The following LRP12 variants were observed in gnomAD, a reference collection of about 807,000 sequenced individuals.
LRP12 encodes the protein low-density lipoprotein receptor-related protein 12.
In LRP12, 14 loss-of-function variants were observed where a neutral mutation model predicts 66.0. That is an observed-to-expected ratio of 0.21 (90% CI 0.14 to 0.33). The LOEUF (loss-of-function observed/expected upper bound fraction) is 0.33, where lower values mean the gene tolerates loss of function less well. Ranked by LOEUF, LRP12 falls within the 10% of genes least tolerant of loss-of-function variation. LRP12 has a pLI of 1.00. For synonymous variants in LRP12, 357 were observed against 359.1 expected (o/e 0.99, Z 0.07); for missense variants, 889 against 1,053.4 (o/e 0.84, Z 2.16).
chr8:104,520,745 T>A (rs1811135327), intron 2 of LRP12, among the ~76,000 whole-genome samples: 1 of 152,104 alleles, frequency 6.6e-6, no homozygotes, highest in African/African-American at 2.4e-5. Flanking sequence ...AGTTTGCTTA[T>A]CCACCAAGTG....
intron 1 of LRP12, among the ~76,000 whole-genome samples, chr8:104,576,796 G>A (rs1457124184): frequency 6.6e-6 from 1 of 152,048 alleles, no homozygotes; most frequent in Non-Finnish European, 1.5e-5. Flanking sequence ...AATGCCCCAA[G>A]TAAAAGACAC....
At chr8:104,492,423 A>G (rs891072886) in intron 6 of LRP12, among the ~76,000 whole-genome samples, 1 of 152,136 alleles carries the variant, frequency 6.6e-6, no homozygotes, top group Admixed American at 6.5e-5. Flanking sequence ...AGTGGTTATA[A>G]AAAGAAGTAT....
intron 3 of LRP12, among the ~76,000 whole-genome samples, chr8:104,501,215 T>C (rs1199549396): frequency 6.6e-6 from 1 of 152,158 alleles, no homozygotes; most frequent in African/African-American, 2.4e-5. Context: ...TTCTCTCCAA[T>C]AGTCAGTGTG....
chr8:104,547,392 T>C (rs1400827336), intron 1 of LRP12, among the ~76,000 whole-genome samples: 3 of 135,938 alleles, frequency 2.2e-5, no homozygotes, highest in African/African-American at 5.3e-5. Context: ...ATTTTGTATA[T>C]AATATACAAT....
At chr8:104,502,392 A>G (rs1341767618) in intron 3 of LRP12, among the ~76,000 whole-genome samples, 1 of 152,174 alleles carries the variant, frequency 6.6e-6, no homozygotes, top group Non-Finnish European at 1.5e-5. Context: ...CTTTAAGCAC[A>G]CACAATTCAT....
At chr8:104,544,259 G>A (rs1222045424) in intron 1 of LRP12, among the ~76,000 whole-genome samples, 2 of 152,100 alleles carry the variant, frequency 1.3e-5, no homozygotes, top group Admixed American at 6.6e-5. Context: ...AAGAAAAGTT[G>A]GAATCTAGCA....
Position 104,552,363 on chromosome 8 carries a change from C to CT in LRP12, c.80-20401dup, listed in dbSNP as rs1554710250. Among the ~76,000 whole-genome samples the CT allele has an allele frequency of 3.7e-4, 56 of 149,622 alleles. 1 individual carries two copies. The highest frequency in any genetic ancestry group is 7.7e-4 in the Non-Finnish European group (52 of 67,450). ...CAATCTAATAAATGTATAAATATGT[C>CT]TTTTTTTTGTTGTTTTTTTTTTTTT... On this transcript the variant is annotated intron_variant, in intron 1 of 6. Transcript: ENST00000276654.
At chr8:104,575,142 A>G (rs1812145551) in intron 1 of LRP12, among the ~76,000 whole-genome samples, 1 of 152,178 alleles carries the variant, frequency 6.6e-6, no homozygotes, top group African/African-American at 2.4e-5. Flanking sequence ...AGAAAGATAA[A>G]AACTAGCCAG....
At chr8:104,569,079 T>C (rs908001931) in intron 1 of LRP12, among the ~76,000 whole-genome samples, 6 of 151,574 alleles carry the variant, frequency 4.0e-5, no homozygotes, top group African/African-American at 1.5e-4. Flanking sequence ...AATGGAATTT[T>C]TGGGAATAAA....
Position 104,548,599 on chromosome 8 carries a change from G to GAAT in LRP12, c.80-16639_80-16637dup, listed in dbSNP as rs1564142472. ...TATATTATATTTTGTATATAATATA[G>GAAT]AATTATATAATTAAATTAATTATAT... On this transcript the variant is annotated intron_variant, in intron 1 of 6. Coordinates refer to ENST00000276654, the MANE Select transcript of LRP12 (RefSeq NM_013437.5). Among the ~76,000 whole-genome samples the GAAT allele has an allele frequency of 2.0e-3, 132 of 66,016 alleles. 6 individuals are homozygous for GAAT. The highest frequency in any genetic ancestry group is 8.2e-3 in the Middle Eastern group (1 of 122). 43.3% of individuals were successfully genotyped at this position (66,016 alleles called of 152,430 possible). A position where few individuals can be genotyped will look rare whatever the true frequency, so the allele number is the denominator to read the frequency against.
At chr8:104,538,906 T>C (rs566401008) in intron 1 of LRP12, among the ~76,000 whole-genome samples, 1 of 152,316 alleles carries the variant, frequency 6.6e-6, no homozygotes, top group South Asian at 2.1e-4. Flanking sequence ...TGACGGCTAC[T>C]GTATTAGGCT....
chr8:104,546,973 AT>A (rs1051415298), intron 1 of LRP12, among the ~76,000 whole-genome samples: 1 of 144,482 alleles, frequency 6.9e-6, no homozygotes, highest in African/African-American at 2.5e-5. Flanking sequence ...ATCATATATA[AT>A]TCTATACATT....
At chr8:104,585,069 TAAAAATGA>T (rs1427142199) in intron 1 of LRP12, among the ~76,000 whole-genome samples, 1 of 152,098 alleles carries the variant, frequency 6.6e-6, no homozygotes, top group African/African-American at 2.4e-5. Context: ...AAAACCAGTT[TAAAAATGA>T]ATTTTATCAC....
chr8:104,586,240 C>T (rs944317774), intron 1 of LRP12, among the ~76,000 whole-genome samples: 131 of 152,284 alleles, frequency 8.6e-4, no homozygotes, highest in African/African-American at 3.1e-3. Context: ...GGAAGTACAA[C>T]AGTCACATAT....
At chr8:104,511,608 A>C (rs1810998764) in intron 2 of LRP12, among the ~76,000 whole-genome samples, 1 of 152,198 alleles carries the variant, frequency 6.6e-6, no homozygotes, top group Non-Finnish European at 1.5e-5. Flanking sequence ...TATGTAATTT[A>C]AAGAATTTTA....
intron 1 of LRP12, among the ~76,000 whole-genome samples, chr8:104,537,297 A>G (rs535990506): frequency 1.3e-4 from 20 of 152,198 alleles, no homozygotes; most frequent in Middle Eastern, 3.4e-3. Flanking sequence ...GAGTATCAGT[A>G]TCAGTTTTTT....
intron 2 of LRP12, among the ~76,000 whole-genome samples, chr8:104,529,599 A>C (rs950077327): frequency 6.6e-6 from 1 of 152,234 alleles, no homozygotes; most frequent in Non-Finnish European, 1.5e-5. Context: ...ATGTAGTACT[A>C]TATCTATCTA....
At chr8:104,584,999 G>C (rs1812307863) in intron 1 of LRP12, among the ~76,000 whole-genome samples, 1 of 152,088 alleles carries the variant, frequency 6.6e-6, no homozygotes, top group African/African-American at 2.4e-5. Context: ...ATTATTTTAG[G>C]CTACCACAAC....
At chr8:104,570,584 T>C (rs1283030282) in intron 1 of LRP12, among the ~76,000 whole-genome samples, 1 of 152,190 alleles carries the variant, frequency 6.6e-6, no homozygotes, top group African/African-American at 2.4e-5. Context: ...ATGCAAAAAC[T>C]GAACCTCTTT....
Sources: gnomAD v4.1 joint callset for allele counts (sites outside exome capture counted in the v4.1 genomes callset) on GRCh38, gnomAD v4.1.1 for gene constraint, MANE v1.5 for transcripts, NCBI Gene and HGNC (gene_info 2026-07-23, HGNC 2026-07-21) for gene names.